CHD9NB: variants seen among roughly 807,000 people sequenced by gnomAD.
CHD9NB encodes CHD9 neighbor protein.
At chr16:53,043,399 T>C in the CHD9NB span, 4 of 152,224 alleles carry the variant, frequency 2.6e-5, no homozygotes, top group Non-Finnish European at 5.9e-5. Flanking sequence ...GACCAAGACC[T>C]TGTTGCCTTC....
the CHD9NB span, among the ~76,000 whole-genome samples, chr16:53,045,182 C>A: frequency 6.6e-6 from 1 of 152,074 alleles, no homozygotes; most frequent in African/African-American, 2.4e-5. Context: ...AGGCTGATCT[C>A]GAATTCCTGG....
chr16:53,036,998 C>T, the CHD9NB span, among the ~76,000 whole-genome samples: 1 of 151,990 alleles, frequency 6.6e-6, no homozygotes, highest in African/African-American at 2.4e-5. Flanking sequence ...TGCAGTGGCA[C>T]GATCTCAGCT....
chr16:53,040,064 G>T, the CHD9NB span, among the ~76,000 whole-genome samples: 1 of 151,888 alleles, frequency 6.6e-6, no homozygotes. Context: ...GGCACTTCAT[G>T]ATTTGATCCC....
chr16:53,043,261 G>A, the CHD9NB span: 2 of 152,204 alleles, frequency 1.3e-5, no homozygotes, highest in Admixed American at 6.5e-5. Flanking sequence ...GGGTTGAAAT[G>A]GACAGACTTT....
At chr16:53,037,436 A>G in the CHD9NB span, among the ~76,000 whole-genome samples, 1 of 152,228 alleles carries the variant, frequency 6.6e-6, no homozygotes, top group Non-Finnish European at 1.5e-5. Context: ...CGGAGTTTCC[A>G]TAATAGAAAA....
the CHD9NB span, among the ~76,000 whole-genome samples, chr16:53,041,046 G>A: frequency 6.5e-3 from 991 of 152,234 alleles, 11 homozygotes; most frequent in African/African-American, 0.022. Flanking sequence ...AAAGATGGAA[G>A]GACTGAAGAA....
chr16:53,049,659 A>G, the CHD9NB span, among the ~76,000 whole-genome samples: 1 of 152,176 alleles, frequency 6.6e-6, no homozygotes, highest in Non-Finnish European at 1.5e-5. Context: ...GATGCGCAGA[A>G]TATCAGCTAG....
chr16:53,045,970 T>A, the CHD9NB span, among the ~76,000 whole-genome samples: 2 of 152,112 alleles, frequency 1.3e-5, no homozygotes, highest in East Asian at 3.9e-4. Context: ...AATTCAGTGA[T>A]CTGCAAGAAT....
At chr16:53,051,586 A>G in the CHD9NB span, among the ~76,000 whole-genome samples, 2 of 120,422 alleles carry the variant, frequency 1.7e-5, no homozygotes, top group South Asian at 2.9e-4. Flanking sequence ...ACTTGGACAC[A>G]GGAAGGGGAA....
the CHD9NB span, chr16:53,043,990 G>C: frequency 2.5e-6 from 1 of 398,846 alleles, no homozygotes; most frequent in Non-Finnish European, 4.4e-6. Context: ...CGACTCTGGA[G>C]AGAGGCATTT....
At chr16:53,042,627 T>C in the CHD9NB span, 1 of 138,866 alleles carries the variant, frequency 7.2e-6, no homozygotes, top group East Asian at 2.4e-4. Context: ...AAAAAGTCCC[T>C]CAATGCATCA....
the CHD9NB span, among the ~76,000 whole-genome samples, chr16:53,040,614 C>T: frequency 6.6e-6 from 1 of 152,170 alleles, no homozygotes; most frequent in African/African-American, 2.4e-5. Flanking sequence ...GGTACTCCCA[C>T]AAAGATGGCA....
the CHD9NB span, among the ~76,000 whole-genome samples, chr16:53,049,978 C>A: frequency 6.6e-6 from 1 of 152,026 alleles, no homozygotes; most frequent in East Asian, 1.9e-4. Flanking sequence ...CCGAGGTGGG[C>A]GGATCACTTG....
chr16:53,038,770 C>T, the CHD9NB span, among the ~76,000 whole-genome samples: 1 of 152,160 alleles, frequency 6.6e-6, no homozygotes, highest in Non-Finnish European at 1.5e-5. Flanking sequence ...TGGGAATTTA[C>T]AGCCAAGGAG....
chr16:53,052,880 T>C, the CHD9NB span: 1 of 175,294 alleles, frequency 5.7e-6, no homozygotes, highest in Non-Finnish European at 1.2e-5. Context: ...CCAGGTATTG[T>C]CCACAGATGA....
At chr16:53,036,737 C>A in the CHD9NB span, among the ~76,000 whole-genome samples, 1 of 152,214 alleles carries the variant, frequency 6.6e-6, no homozygotes, top group Non-Finnish European at 1.5e-5. Flanking sequence ...AAAACTCATA[C>A]CCTGTAGTTC....
the CHD9NB span, among the ~76,000 whole-genome samples, chr16:53,052,355 T>C: frequency 1.3e-5 from 2 of 152,050 alleles, no homozygotes; most frequent in African/African-American, 4.8e-5. Context: ...CAATGAACAA[T>C]GATCACCTGG....
the CHD9NB span, among the ~76,000 whole-genome samples, chr16:53,040,308 T>C: frequency 6.6e-6 from 1 of 152,108 alleles, no homozygotes. Flanking sequence ...TCTCCTGACC[T>C]CATGATCCAC....
chr16:53,050,824 C>T, the CHD9NB span, among the ~76,000 whole-genome samples: 1 of 152,020 alleles, frequency 6.6e-6, no homozygotes, highest in East Asian at 1.9e-4. Context: ...GACCTGACAC[C>T]ATCTTGCCCA....
Sources: gnomAD v4.1 joint callset for allele counts (sites outside exome capture counted in the v4.1 genomes callset) on GRCh38, gnomAD v4.1.1 for gene constraint, MANE v1.5 for transcripts, NCBI Gene and HGNC (gene_info 2026-07-23, HGNC 2026-07-21) for gene names.